The following THBS4 variants were observed in gnomAD, a reference collection of about 807,000 sequenced individuals.
The protein encoded by THBS4 is thrombospondin-4.
THBS4 carries 90 observed loss-of-function variants against 115.7 expected under a neutral mutation model. The observed-to-expected ratio is 0.78, with a 90% CI of 0.66 to 0.93. The LOEUF (loss-of-function observed/expected upper bound fraction) is 0.93. Ranked by LOEUF, THBS4 falls within the 40% of genes least tolerant of loss-of-function variation. The pLI is 0.00. For missense variants in THBS4, 1,087 were observed against 1,232.7 expected, an observed-to-expected ratio of 0.88 and a Z score of 1.77; for synonymous variants, 460 against 479.3, an observed-to-expected ratio of 0.96 and a Z score of 0.53.
chr5:80,050,011 A>G (rs1833203662), intron 2 of THBS4, among the ~76,000 whole-genome samples: 1 of 152,164 alleles, frequency 6.6e-6, no homozygotes, highest in African/African-American at 2.4e-5. Context: ...TTCAGTTCCA[A>G]TCCAATCTGC....
intron 15 of THBS4, among the ~76,000 whole-genome samples, chr5:80,075,695 C>A (rs1743172248): frequency 6.6e-6 from 1 of 152,198 alleles, no homozygotes; most frequent in African/African-American, 2.4e-5. Context: ...CAAAGTTGAA[C>A]CTTGGAGAAG....
rs1743410033 is a variant in THBS4 at position 80,080,032 on chromosome 5, C to T, written c.2639C>T (p.Ser880Phe). 2 of 1,614,114 alleles carry T rather than the reference C, an allele frequency of 1.2e-6. No individual in the cohort carries two copies. The highest frequency in any genetic ancestry group is 1.7e-6 in the Non-Finnish European group (2 of 1,180,006). Residue 880 changes from serine to phenylalanine, a missense_variant, in exon 20 of 22, where the codon TCC becomes TTC. Physicochemically the swap from Ser to Phe is radical, Grantham distance 155. Coordinates refer to ENST00000350881, the MANE Select transcript of THBS4 (RefSeq NM_003248.6). ...AATGTGGGCTGGAAGGACAAGGTGT[C>T]CTACCGCTGGTTCCTACAGCACAGG... Reference protein sequence around the residue: ...SRNVGWKDKVSYRWFLQHRPQ... With the variant: ...SRNVGWKDKVFYRWFLQHRPQ...
In THBS4 at chr5:80,065,459, G is replaced by T; in HGVS notation, c.1176G>T (p.Ser392=). 1 of 1,613,590 alleles carries T rather than the reference G, an allele frequency of 6.2e-7. No homozygotes were observed. The highest frequency in any genetic ancestry group is 8.5e-7 in the Non-Finnish European group (1 of 1,179,868). Residue 392 remains serine, a synonymous_variant, in exon 9 of 22, where the codon TCG becomes TCT. Transcript: ENST00000350881. ...GAAATGGAGCGTGCGTTCCCAACTC[G>T]ATCTGCGTTAATACTTTGGTAAGTA... The part of the protein sequence containing the change: ...ECRNGACVPN[S]ICVNTLGSYR...
At chr5:80,074,601 C>G (rs1743098877) in intron 15 of THBS4, among the ~76,000 whole-genome samples, 1 of 151,774 alleles carries the variant, frequency 6.6e-6, no homozygotes, top group Non-Finnish European at 1.5e-5. Flanking sequence ...AAGGACAGCT[C>G]CTATGAAGCC....
In THBS4 at chr5:80,082,529, C is replaced by G. The variant is rs770037062; in HGVS notation, c.2808C>G (p.Leu936=). 9.3e-6 allele frequency: 15 copies of G among 1,614,196 alleles called. No homozygotes were observed. The South Asian group carries it at 1.6e-4, about 18-fold the overall frequency. Reference sequence around the variant, plus strand: ...AAGAAAACATCATCTGGTCCAACCTCAAGTATCGCTGCAATGGTAATGTGC... The same window carrying G: ...AAGAAAACATCATCTGGTCCAACCTGAAGTATCGCTGCAATGGTAATGTGC... The part of the protein sequence containing the change: ...FSQENIIWSN[L]KYRCNDTIPE... The change falls in exon 21 of 22, where the codon CTC becomes CTG. Residue 936 remains leucine, a synonymous_variant. Transcript: ENST00000350881.
intron 2 of THBS4, among the ~76,000 whole-genome samples, chr5:80,002,747 A>G (rs1347439311): frequency 0.012 from 817 of 66,220 alleles, 8 homozygotes; most frequent in African/African-American, 0.034. Context: ...AGAAGGGAGA[A>G]AAAAAAAAAA....
chr5:80,065,481 A>G lies in THBS4; in HGVS notation c.1194+4A>G, dbSNP rs776552815. ...CTCGATCTGCGTTAATACTTTGGTAAGTATTTCTCACAGCTGTTGTTATCA... is the reference window on the plus strand; with the variant it reads ...CTCGATCTGCGTTAATACTTTGGTAGGTATTTCTCACAGCTGTTGTTATCA... On this transcript the variant is annotated splice_donor_region_variant and intron_variant, in intron 9 of 21. Coordinates refer to ENST00000350881, the MANE Select transcript of THBS4 (RefSeq NM_003248.6). The G allele has an allele frequency of 8.7e-6, 14 of 1,612,442 alleles. No individual in the cohort carries two copies. The highest frequency in any genetic ancestry group is 1.3e-5 in the African/African-American group (1 of 74,862).
rs142158467 is a variant in THBS4 at position 80,042,438 on chromosome 5, A to C, written c.292+2158A>C. On this transcript the variant is annotated intron_variant, in intron 2 of 21. Transcript: ENST00000350881. ...CCAGAAGTTCCTCTGCAGAGTAAAAAACTGCTCCAAGCTTTTGCCCTCACT... is the reference window on the plus strand; with the variant it reads ...CCAGAAGTTCCTCTGCAGAGTAAAACACTGCTCCAAGCTTTTGCCCTCACT... 7.9e-5 allele frequency among the ~76,000 whole-genome samples: 12 copies of C among 152,302 alleles called. No homozygotes were observed. The East Asian group carries it at 2.3e-3, about 29-fold the overall frequency.
At position 80,040,039 on chromosome 5, in the gene THBS4, A is replaced by G. The variant is rs745681783; in HGVS notation, c.89-38A>G. ...GAAACCCTGTTTTCCCCAAAATTGA[A>G]TCTTTCACTTATACCCCTTCTTCTC... On this transcript the variant is annotated intron_variant, in intron 1 of 21. Coordinates refer to ENST00000350881, the MANE Select transcript of THBS4 (RefSeq NM_003248.6). 3.8e-5 allele frequency: 60 copies of G among 1,592,044 alleles called. 1 individual carries two copies. In the Admixed American group the frequency reaches 9.9e-4, roughly 26 times the overall value.
intron 1 of THBS4, among the ~76,000 whole-genome samples, chr5:79,996,367 A>C (rs552557904): frequency 3.6e-4 from 55 of 152,322 alleles, no homozygotes; most frequent in Admixed American, 8.5e-4. Flanking sequence ...AGAATGTAAC[A>C]AGATCAATTT....
chr5:80,024,148 C>G (rs1221719446), intron 2 of THBS4, among the ~76,000 whole-genome samples: 1 of 152,194 alleles, frequency 6.6e-6, no homozygotes, highest in Non-Finnish European at 1.5e-5. Flanking sequence ...AAGAACAGTA[C>G]TATTGGCTTT....
intron 8 of THBS4, among the ~76,000 whole-genome samples, chr5:80,064,723 C>T (rs575254036): frequency 6.6e-6 from 1 of 152,066 alleles, no homozygotes; most frequent in East Asian, 1.9e-4. Context: ...CAGAGCAAGA[C>T]CCTGTCTCAA....
upstream of THBS4, chr5:80,033,285 G>T: frequency 2.9e-6 from 1 of 342,896 alleles, no homozygotes. Context: ...CCAGCAGCAC[G>T]TGGTGCATTG....
At chr5:79,998,774 G>A (rs1294698465) in intron 2 of THBS4, among the ~76,000 whole-genome samples, 3 of 152,148 alleles carry the variant, frequency 2.0e-5, no homozygotes, top group Non-Finnish European at 2.9e-5. Flanking sequence ...CAAAAAATGG[G>A]CACATGAAAT....
intron 10 of THBS4, among the ~76,000 whole-genome samples, chr5:80,069,896 C>T (rs1291175414): frequency 1.3e-5 from 2 of 152,206 alleles, no homozygotes; most frequent in Non-Finnish European, 2.9e-5. Context: ...GGAAATTTAA[C>T]CTGTGCTCAC....
intron 10 of THBS4, among the ~76,000 whole-genome samples, chr5:80,069,907 A>G (rs912268894): frequency 3.3e-5 from 5 of 152,202 alleles, no homozygotes; most frequent in African/African-American, 7.2e-5. Context: ...CTGTGCTCAC[A>G]TAAGTCTGAT....
chr5:80,007,474 A>G (rs1300490122), intron 2 of THBS4, among the ~76,000 whole-genome samples: 1 of 152,122 alleles, frequency 6.6e-6, no homozygotes, highest in Admixed American at 6.5e-5. Flanking sequence ...CTGCCCCATG[A>G]AGCTAGGTGG....
rs780542993 is a variant in THBS4, at chr5:80,071,070, A to G, written c.1610A>G (p.Asp537Gly). 1.2e-6 allele frequency: 2 copies of G among 1,612,894 alleles called. No homozygotes were observed. The highest frequency in any genetic ancestry group is 1.3e-5 in the African/African-American group (1 of 74,852). The change falls in exon 13 of 22, where the codon GAT (aspartate) becomes GGT (glycine). Residue 537 changes from aspartate (D) to glycine (G), a missense_variant. Asp to Gly is a moderately conservative substitution (Grantham distance 94, BLOSUM62 -1). Transcript: ENST00000350881. ...HNVDQRNSDK[D>G]IFGDACDNCL... is the part of the protein sequence containing the mutation. ...GTGGACCAAAGGAACAGCGATAAAGATATCTTTGGGGATGCCTGTGATAAC... is the reference window on the plus strand; with the variant it reads ...GTGGACCAAAGGAACAGCGATAAAGGTATCTTTGGGGATGCCTGTGATAAC...
chr5:80,060,962 A>G (rs1318026354), intron 7 of THBS4, among the ~76,000 whole-genome samples: 18 of 152,194 alleles, frequency 1.2e-4, no homozygotes, highest in Admixed American at 1.1e-3. Flanking sequence ...CTGCAGGCCC[A>G]TGGTAATGTT....
Sources: gnomAD v4.1 joint callset for allele counts (sites outside exome capture counted in the v4.1 genomes callset) on GRCh38, gnomAD v4.1.1 for gene constraint, MANE v1.5 for transcripts, NCBI Gene and HGNC (gene_info 2026-07-23, HGNC 2026-07-21) for gene names.